The following MEP1B variants were observed in gnomAD, a reference collection of about 807,000 sequenced individuals.
The protein encoded by MEP1B is N-benzoyl-L-tyrosyl-P-amino-benzoic acid hydrolase subunit beta.
In MEP1B, 80 loss-of-function variants were observed where a neutral mutation model predicts 84.6. The ratio of observed to expected loss-of-function variants is 0.95; its 90% CI spans 0.79 to 1.14. The LOEUF is 1.14. MEP1B is among the 50% of genes most tolerant of loss of function. MEP1B has a pLI of 0.00. For missense variants in MEP1B, 766 were observed against 855.1 expected (o/e 0.90, Z 1.30); for synonymous variants, 273 against 288.1 (o/e 0.95, Z 0.53).
In MEP1B at chr18:32,207,287, A is replaced by T. The variant is rs756312097; in HGVS notation, c.583A>T (p.Ile195Leu). The T allele has an allele frequency of 6.2e-7, 1 of 1,612,976 alleles. No individual in the cohort carries two copies. The highest frequency in any genetic ancestry group is 2.2e-5 in the East Asian group (1 of 44,866). Residue 195 changes from isoleucine (I) to leucine (L), a missense_variant, in exon 8 of 15, where the codon ATA (isoleucine) becomes TTA (leucine). Transcript: ENST00000269202. Reference protein sequence around the residue: ...EHNFNTYSDDISDSLNVPYDY... With the variant: ...EHNFNTYSDDLSDSLNVPYDY... The stretch of plus-strand genomic sequence containing the variant: ...CAATTTTAACACCTATAGTGACGAT[A>T]TATCAGATTCCCTGAATGTTCCCTA...
At chr18:32,212,186 A>AG (rs1480130629) in intron 10 of MEP1B, among the ~76,000 whole-genome samples, 1 of 151,696 alleles carries the variant, frequency 6.6e-6, no homozygotes, top group African/African-American at 2.4e-5. Context: ...CAGGACTGGA[A>AG]GGGGGGTCCT....
In MEP1B at chr18:32,215,217, A is replaced by G. The variant is rs1471644599; in HGVS notation, c.1715A>G (p.Asp572Gly). 1.9e-6 allele frequency: 3 copies of G among 1,610,472 alleles called. No individual in the cohort carries two copies. The African/African-American group carries it at 4.0e-5, about 22-fold the overall frequency. The change falls in exon 12 of 15, where the codon GAT becomes GGT. Residue 572 changes from aspartate to glycine, a missense_variant. Physicochemically the swap from Asp to Gly is moderately conservative, Grantham distance 94. Coordinates refer to ENST00000269202, the MANE Select transcript of MEP1B (RefSeq NM_005925.3). ...FITHERLKSR[D>G]FIKGDDVYIL... The stretch of plus-strand genomic sequence containing the variant: ...ACCCACGAAAGGCTGAAAAGCAGAG[A>G]TTTTATAAAAGGAGATGATGTTTAT...
chr18:32,197,009 C>A, intron 5 of MEP1B: 1 of 191,842 alleles, frequency 5.2e-6, no homozygotes, highest in Non-Finnish European at 1.1e-5. Context: ...ACCCTATGAT[C>A]AATTATACAT....
chr18:32,220,093 C>A, intron 14 of MEP1B, 138 bp from the exon 15 acceptor site: 2 of 707,462 alleles, frequency 2.8e-6, no homozygotes, highest in Non-Finnish European at 4.8e-6. Flanking sequence ...GGAGCAGGAG[C>A]CATTGCCAGC....
Position 32,213,359 on chromosome 18 carries a change from C to A in MEP1B, c.1379C>A (p.Ala460Asp), listed in dbSNP as rs1328775930. ...CCATTTTACTCTTCTAAAGGTTATGCCTTTCAGATTTACTTAAATCTAGCC... is the reference window on the plus strand; with the variant it reads ...CCATTTTACTCTTCTAAAGGTTATGACTTTCAGATTTACTTAAATCTAGCC... ...SPPFYSSKGY[A>D]FQIYLNLAHV... is the part of the protein sequence containing the mutation. The change falls in exon 11 of 15, where the codon GCC (alanine) becomes GAC (aspartate). Residue 460 changes from alanine (A) to aspartate (D), a missense_variant. Ala to Asp is a moderately radical substitution (Grantham distance 126). Coordinates refer to ENST00000269202, the MANE Select transcript of MEP1B (RefSeq NM_005925.3). 6.2e-7 allele frequency: 1 copy of A among 1,613,766 alleles called. No individual in the cohort carries two copies.
At chr18:32,218,261 T>G (rs1030935853) in intron 14 of MEP1B, among the ~76,000 whole-genome samples, 1 of 152,136 alleles carries the variant, frequency 6.6e-6, no homozygotes, top group African/African-American at 2.4e-5. Flanking sequence ...AAGGCACAAC[T>G]GATTTTGCCT....
rs2041051318 is a variant in MEP1B, at chr18:32,213,461, G to C, written c.1481G>C (p.Trp494Ser). The change falls in exon 11 of 15, where the codon TGG (tryptophan) becomes TCG (serine). Residue 494 changes from tryptophan to serine, a missense_variant. Trp to Ser is a radical substitution (Grantham distance 177). Coordinates refer to ENST00000269202, the MANE Select transcript of MEP1B (RefSeq NM_005925.3). ...NDDQLQWPCP[W>S]QQATMTLLDQ... is the part of the protein sequence containing the mutation. ...GATCAATTACAGTGGCCATGTCCTT[G>C]GCAACAAGCCACAATGACACTTTTG... 6.2e-7 allele frequency: 1 copy of C among 1,613,878 alleles called. No homozygotes were observed. Among genetic ancestry groups the C allele is most frequent in the African/African-American group, 1.3e-5 (1 of 75,016 alleles).
In MEP1B at chr18:32,192,656, C is replaced by A; in HGVS notation, c.93C>A (p.Gly31=). 3 of 1,612,652 alleles carry A rather than the reference C, an allele frequency of 1.9e-6. No individual in the cohort carries two copies. Among genetic ancestry groups the A allele is most frequent in the Non-Finnish European group, 1.7e-6 (2 of 1,179,064 alleles). ...LATPENFDVD[G]GMDQDIFDIN... ...TTGTTTTAATCAAAGATGTAGATGGCGGAATGGACCAGGACATATTTGATA... is the reference window on the plus strand; with the variant it reads ...TTGTTTTAATCAAAGATGTAGATGGAGGAATGGACCAGGACATATTTGATA... Residue 31 remains glycine, a synonymous_variant, in exon 3 of 15, where the codon GGC becomes GGA. Coordinates refer to ENST00000269202, the MANE Select transcript of MEP1B (RefSeq NM_005925.3).
intron 8 of MEP1B, 45 bp downstream of exon 8, chr18:32,207,515 T>G: frequency 7.3e-7 from 1 of 1,362,820 alleles, no homozygotes; most frequent in East Asian, 2.4e-5. Context: ...TCCGCTGTTA[T>G]GTAGGAAAAA....
Position 32,204,207 on chromosome 18 carries a change from C to G in MEP1B, c.394C>G (p.Arg132Gly), listed in dbSNP as rs201378742. The G allele has an allele frequency of 5.5e-5, 88 of 1,606,412 alleles. No individual in the cohort carries two copies. In the South Asian group the frequency reaches 6.3e-4, roughly 11 times the overall value. Reference protein sequence around the residue: ...SGCWSSVGNRRVGKQELSIGA... With the variant: ...SGCWSSVGNRGVGKQELSIGA... ...CTGCTGGTCTTCAGTAGGAAATAGG[C>G]GGGTTGGGAAGCAAGAACTTTCCAT... is the stretch of plus-strand genomic sequence containing the variant. Residue 132 changes from arginine to glycine, a missense_variant, in exon 7 of 15, where the codon CGG becomes GGG. Arg to Gly is a moderately radical substitution (Grantham distance 125, BLOSUM62 -2). Coordinates refer to ENST00000269202, the MANE Select transcript of MEP1B (RefSeq NM_005925.3).
rs1427410526 is a variant in MEP1B, at chr18:32,210,683, G to A, written c.1102G>A (p.Asp368Asn). 6.2e-7 allele frequency: 1 copy of A among 1,613,830 alleles called. No individual in the cohort carries two copies. Among genetic ancestry groups the A allele is most frequent in the South Asian group, 1.1e-5 (1 of 91,072 alleles). Residue 368 changes from aspartate to asparagine, a missense_variant, in exon 10 of 15, where the codon GAT becomes AAT. Asp to Asn is a conservative substitution (Grantham distance 23). Transcript: ENST00000269202. ...CAGGGAGTATTCTGCAGACAATGTGGATGGCAATTTAACCCTTGTGGAAGA... is the reference window on the plus strand; with the variant it reads ...CAGGGAGTATTCTGCAGACAATGTGAATGGCAATTTAACCCTTGTGGAAGA... ...YIREYSADNV[D>N]GNLTLVEEIK...
chr18:32,214,223 C>T (rs1037175966), intron 11 of MEP1B, among the ~76,000 whole-genome samples: 2 of 152,142 alleles, frequency 1.3e-5, no homozygotes, highest in East Asian at 3.9e-4. Flanking sequence ...AGAGGACTTG[C>T]TAATCATGAC....
At position 32,204,203 on chromosome 18, in the gene MEP1B, T is replaced by C. The variant is rs2040940471; in HGVS notation, c.390T>C (p.Asn130=). ...KGSGCWSSVG[N]RRVGKQELSI... is the part of the protein sequence containing the mutation. ...TAAGCTGCTGGTCTTCAGTAGGAAA[T>C]AGGCGGGTTGGGAAGCAAGAACTTT... The change falls in exon 7 of 15, where the codon AAT becomes AAC. Residue 130 remains asparagine (N), a synonymous_variant. Transcript: ENST00000269202. 5 of 1,606,614 alleles carry C rather than the reference T, an allele frequency of 3.1e-6. No individual in the cohort carries two copies. Among genetic ancestry groups the C allele is most frequent in the African/African-American group, 1.3e-5 (1 of 74,760 alleles).
At chr18:32,195,223 T>C (rs150785521) in intron 4 of MEP1B, among the ~76,000 whole-genome samples, 184 bp from the exon 5 acceptor site, 1 of 152,216 alleles carries the variant, frequency 6.6e-6, no homozygotes, top group East Asian at 1.9e-4. Context: ...ATTAGTAATT[T>C]CTTCCTAGAA....
Position 32,192,794 on chromosome 18 carries a change from G to C in MEP1B, c.148G>C (p.Glu50Gln). 2 of 1,612,926 alleles carry C rather than the reference G, an allele frequency of 1.2e-6. No homozygotes were observed. Among genetic ancestry groups the C allele is most frequent in the Non-Finnish European group, 1.7e-6 (2 of 1,179,406 alleles). The change falls in exon 4 of 15, where the codon GAG becomes CAG. Residue 50 changes from glutamate to glutamine, a missense_variant. Physicochemically the swap from Glu to Gln is conservative, Grantham distance 29 (BLOSUM62 2). Transcript: ENST00000269202. The part of the protein sequence containing the change: ...INEGLGLDLF[E>Q]GDIRLDRAQI... The stretch of plus-strand genomic sequence containing the variant: ...CTTAGGTTTGGGACTGGATCTTTTT[G>C]AGGGTGACATCAGACTTGATAGGGT...
intron 9 of MEP1B, 70 bp from the exon 10 acceptor site, chr18:32,210,431 C>T (rs935284669): frequency 1.5e-6 from 2 of 1,312,016 alleles, no homozygotes; most frequent in African/African-American, 1.5e-5. Flanking sequence ...GAATCTAGCA[C>T]CACCATTAAC....
In MEP1B at chr18:32,215,112, C is replaced by CTT. The variant is rs780107976; in HGVS notation, c.1611_1612insTT (p.Lys538LeufsTer27). The CTT allele has an allele frequency of 6.2e-7, 1 of 1,601,238 alleles. No homozygotes were observed. Among genetic ancestry groups the CTT allele is most frequent in the African/African-American group, 1.3e-5 (1 of 74,264 alleles). Reference sequence around the variant, plus strand: ...GGAAACTATTTCTGGGACAGGCCTTCTAAAGTGGGAACAGTGGCTTTGTTC... The same window carrying CTT: ...GGAAACTATTTCTGGGACAGGCCTTCTTTAAAGTGGGAACAGTGGCTTTGTTC... On this transcript the variant is annotated frameshift_variant, in exon 12 of 15. Coordinates refer to ENST00000269202, the MANE Select transcript of MEP1B (RefSeq NM_005925.3). LOFTEE classifies it high-confidence loss of function.
intron 4 of MEP1B, among the ~76,000 whole-genome samples, chr18:32,194,156 C>G (rs1266701048): frequency 6.6e-6 from 1 of 152,020 alleles, no homozygotes; most frequent in Non-Finnish European, 1.5e-5. Flanking sequence ...CCCATCCAGC[C>G]CGTCAGCAAG....
chr18:32,210,855 A>C, intron 10 of MEP1B, 139 bp downstream of exon 10: 1 of 684,916 alleles, frequency 1.5e-6, no homozygotes, highest in Non-Finnish European at 2.5e-6. Context: ...TCTTGTTTTA[A>C]GCTGTGGAAA....
Sources: allele counts gnomAD v4.1 joint callset (sites outside exome capture counted in the v4.1 genomes callset), GRCh38; gene constraint gnomAD v4.1.1; transcripts MANE v1.5; gene names NCBI Gene and HGNC (gene_info 2026-07-23, HGNC 2026-07-21).